Variants in JPH2 observed in about 807,000 individuals in gnomAD.
The protein encoded by JPH2 is junctophilin-2.
In JPH2, 38 loss-of-function variants were observed where a neutral mutation model predicts 55.9. That is an observed-to-expected ratio of 0.68 (90% confidence interval 0.52 to 0.89). The LOEUF is 0.89. Among genes scored for constraint, JPH2 ranks in the 40% least tolerant of loss-of-function variants. The pLI, the probability that JPH2 is intolerant of heterozygous loss-of-function variation, is 0.00. For synonymous variants in JPH2, 480 were observed against 472.4 expected (o/e 1.02, Z -0.21); for missense variants, 964 against 1,037.6 (o/e 0.93, Z 0.97).
intron 1 of JPH2, among the ~76,000 whole-genome samples, chr20:44,171,179 G>A (rs1033461269): frequency 5.9e-5 from 9 of 152,202 alleles, no homozygotes; most frequent in African/African-American, 1.9e-4. Context: ...GAGATTTAGC[G>A]GGGAGTGCTC....
intron 2 of JPH2, among the ~76,000 whole-genome samples, chr20:44,130,631 G>T (rs768354460): frequency 1.3e-5 from 2 of 152,226 alleles, no homozygotes; most frequent in African/African-American, 2.4e-5. Flanking sequence ...TTCACTGCAT[G>T]AGCTGACAGA....
intron 2 of JPH2, among the ~76,000 whole-genome samples, chr20:44,137,920 A>C (rs2072425996): frequency 6.6e-6 from 1 of 152,194 alleles, no homozygotes; most frequent in South Asian, 2.1e-4. Context: ...TTCTACTGGC[A>C]GGACCAAGAA....
chr20:44,121,556 G>A (rs574970169), intron 2 of JPH2, among the ~76,000 whole-genome samples: 17 of 152,196 alleles, frequency 1.1e-4, no homozygotes, highest in Non-Finnish European at 2.1e-4. Flanking sequence ...AAACAAAATA[G>A]GAGTTAACAT....
chr20:44,160,076 C>G lies in JPH2; in HGVS notation c.711G>C (p.Thr237=), dbSNP rs1041859682. ...LGKLRRAESR[T]SVGSQRSRVS... ...CACGGCTGCGCTGGCTACCCACGGA[C>G]GTGCGCGACTCTGCGCGCCGCAGCT... Residue 237 remains threonine, a synonymous_variant, in exon 2 of 6, where the codon ACG becomes ACC. Transcript: ENST00000372980. This position sits in a 1 kb window ranked among gnomAD's most constrained non-coding sequence, Gnocchi z 4.9. 9 of 1,535,790 alleles carry G rather than the reference C, an allele frequency of 5.9e-6. No homozygotes were observed. Among genetic ancestry groups the G allele is most frequent in the Non-Finnish European group, 7.9e-6 (9 of 1,146,488 alleles).
At position 44,112,126 on chromosome 20, in the gene JPH2, A is replaced by T. The variant is rs1239543323; in HGVS notation, c.*1392T>A. ...GGGAAATGGGAAAGCTGACCCTATC[A>T]GAAGCAAACTCCTAGGTCCCAGAGC... is the stretch of plus-strand genomic sequence containing the variant. On this transcript the variant is annotated 3_prime_UTR_variant, in exon 6 of 6. Coordinates refer to ENST00000372980, the MANE Select transcript of JPH2 (RefSeq NM_020433.5). The T allele has an allele frequency of 6.6e-6, 1 of 152,340 alleles. No individual in the cohort carries two copies. Among genetic ancestry groups the T allele is most frequent in the Non-Finnish European group, 1.5e-5 (1 of 68,144 alleles). 9.4% of individuals were successfully genotyped at this position (152,340 alleles called of 1,614,324 possible).
rs556886570 is a variant in JPH2, at chr20:44,116,318, G to A, written c.1357C>T (p.Pro453Ser). 36 of 1,544,106 alleles carry A rather than the reference G, an allele frequency of 2.3e-5. No homozygotes were observed. In the African/African-American group the frequency reaches 3.2e-4, roughly 14 times the overall value. ...CCCGCTGCGCCGGCGCCCCGGTCGG[G>A]GGGCTCCAGCAGGCTCTCCGAGTTC... is the stretch of plus-strand genomic sequence containing the variant. ...LENSESLLEP[P>S]DRGAGAAGLP... The change falls in exon 4 of 6, where the codon CCC becomes TCC. Residue 453 changes from proline (P) to serine (S), a missense_variant. Transcript: ENST00000372980.
At chr20:44,153,880 T>C (rs983395303) in intron 2 of JPH2, among the ~76,000 whole-genome samples, 3 of 152,200 alleles carry the variant, frequency 2.0e-5, no homozygotes, top group African/African-American at 4.8e-5. Context: ...GTCTAAGCCT[T>C]ACTCTTAACA....
rs1192597449 is a variant in JPH2 at position 44,108,283 on chromosome 20, T to G, written c.*5235A>C. ...AGATTCCTTCCTATGTCCCTTTCCC[T>G]TGGCTGGTTCTGATTCGCATTCTTT... On this transcript the variant is annotated 3_prime_UTR_variant, in exon 6 of 6. Coordinates refer to ENST00000372980, the MANE Select transcript of JPH2 (RefSeq NM_020433.5). Among the ~76,000 whole-genome samples the G allele has an allele frequency of 6.6e-6, 1 of 152,206 alleles. No individual in the cohort carries two copies. Among genetic ancestry groups the G allele is most frequent in the Non-Finnish European group, 1.5e-5 (1 of 68,030 alleles).
intron 2 of JPH2, among the ~76,000 whole-genome samples, chr20:44,133,436 T>G (rs1208659565): frequency 1.3e-5 from 2 of 152,154 alleles, no homozygotes; most frequent in Non-Finnish European, 2.9e-5. Context: ...TTATGTCCAC[T>G]GAATAGGGAA....
At chr20:44,121,242 T>C (rs1299612097) in intron 2 of JPH2, among the ~76,000 whole-genome samples, 2 of 152,024 alleles carry the variant, frequency 1.3e-5, no homozygotes, top group Admixed American at 6.5e-5. Flanking sequence ...CAGAAGGGCA[T>C]GTGCAAAGAC....
intron 1 of JPH2, among the ~76,000 whole-genome samples, chr20:44,161,805 C>G (rs1331274853): frequency 6.6e-6 from 1 of 152,162 alleles, no homozygotes; most frequent in Non-Finnish European, 1.5e-5. Context: ...TTCTCCTATT[C>G]TCTCTAGATG....
chr20:44,114,749 C>T (rs554873459), intron 5 of JPH2, 33 bp downstream of exon 5: 164 of 1,514,160 alleles, frequency 1.1e-4, no homozygotes, highest in Non-Finnish European at 1.4e-4. Context: ...GGGCTCCTGC[C>T]CCCCAACCCC....
intron 2 of JPH2, among the ~76,000 whole-genome samples, chr20:44,154,654 C>T (rs992168497): frequency 2.0e-5 from 3 of 152,208 alleles, no homozygotes; most frequent in African/African-American, 7.2e-5. Flanking sequence ...GGAGAGAAAG[C>T]CCGGGCCTGC....
At chr20:44,135,133 C>G (rs192386382) in intron 2 of JPH2, among the ~76,000 whole-genome samples, 1 of 151,378 alleles carries the variant, frequency 6.6e-6, no homozygotes, top group South Asian at 2.1e-4. Context: ...TAGATGCTAA[C>G]CCCGGATGTA....
In JPH2 at chr20:44,186,918, C is replaced by G. The variant is rs541121904; in HGVS notation, c.-213G>C. On this transcript the variant is annotated 5_prime_UTR_variant, in exon 1 of 6. Coordinates refer to ENST00000372980, the MANE Select transcript of JPH2 (RefSeq NM_020433.5). ...CTAGTCAGTGCCATGCCCGGGAGCC[C>G]CGACTCCACCAGCCAGAGCAAGGCT... 1.7e-6 allele frequency: 1 copy of G among 599,968 alleles called. No homozygotes were observed. Among genetic ancestry groups the G allele is most frequent in the Non-Finnish European group, 3.0e-6 (1 of 337,732 alleles). The allele number at this position is 599,968 out of a possible 1,614,324, so 37.2% of individuals were successfully genotyped here. A position where few individuals can be genotyped will look rare whatever the true frequency, so the allele number is the denominator to read the frequency against.
Position 44,186,416 on chromosome 20 carries a change from C to T in JPH2, c.290G>A (p.Arg97Gln), listed in dbSNP as rs1188450169. 1.9e-6 allele frequency: 3 copies of T among 1,613,802 alleles called. No individual in the cohort carries two copies. The highest frequency in any genetic ancestry group is 3.3e-5 in the Admixed American group (2 of 59,980). Residue 97 changes from arginine to glutamine, a missense_variant, in exon 1 of 6, where the codon CGG becomes CAG. Transcript: ENST00000372980. Reference sequence around the variant, plus strand: ...CTTGGCACCGCTGCTTGAGCTCTGCCGGATTCCGTAGCGTCCCTTGAAGCC... The same window carrying T: ...CTTGGCACCGCTGCTTGAGCTCTGCTGGATTCCGTAGCGTCCCTTGAAGCC... ...THGFKGRYGIRQSSSSGAKYE... is the reference protein window; with the variant it reads ...THGFKGRYGIQQSSSSGAKYE...
At chr20:44,149,485 G>A (rs28700916) in intron 2 of JPH2, among the ~76,000 whole-genome samples, 28,002 of 152,092 alleles carry the variant, frequency 0.18, 2,836 homozygotes, top group South Asian at 0.4. Context: ...GTAGCCACAC[G>A]TTGGTGAGTT....
intron 2 of JPH2, among the ~76,000 whole-genome samples, chr20:44,144,395 C>A (rs760893979): frequency 5.9e-5 from 9 of 152,178 alleles, no homozygotes; most frequent in Non-Finnish European, 8.8e-5. Context: ...AAGCCCTCTA[C>A]AAACATCGCC....
At chr20:44,136,253 G>A (rs1194328420) in intron 2 of JPH2, among the ~76,000 whole-genome samples, 1 of 152,184 alleles carries the variant, frequency 6.6e-6, no homozygotes, top group Non-Finnish European at 1.5e-5. Context: ...TGGCCTAGGA[G>A]TAGTGAACAT....
Sources: gnomAD v4.1 joint callset for allele counts (sites outside exome capture counted in the v4.1 genomes callset) on GRCh38, gnomAD v4.1.1 for gene constraint, Gnocchi (gnomAD v3.1) non-coding constraint, MANE v1.5 for transcripts, NCBI Gene and HGNC (gene_info 2026-07-23, HGNC 2026-07-21) for gene names.